Variants in LRP1B observed in about 807,000 individuals in gnomAD.
LRP1B encodes LDL receptor related protein 1B, also known as low-density lipoprotein receptor-related protein 1B.
In LRP1B, 217 loss-of-function variants were observed where a neutral mutation model predicts 556.6. That is an observed-to-expected ratio of 0.39 (90% CI 0.35 to 0.44). LRP1B has a LOEUF of 0.44. Among genes scored for constraint, LRP1B ranks in the 20% least tolerant of loss-of-function variants. The pLI is 1.00. For missense variants in LRP1B, 5,053 were observed against 5,620.8 expected (o/e 0.90, Z 3.23); for synonymous variants, 2,047 against 1,865.8 (o/e 1.10, Z -2.50).
chr2:140,468,285 T>A (rs1687628815), intron 60 of LRP1B, among the ~76,000 whole-genome samples: 1 of 152,188 alleles, frequency 6.6e-6, no homozygotes, highest in African/African-American at 2.4e-5. Context: ...TACTGCAATT[T>A]CCACCAGGAT....
chr2:141,971,695 C>G (rs1701737489), intron 1 of LRP1B, among the ~76,000 whole-genome samples: 1 of 151,362 alleles, frequency 6.6e-6, no homozygotes, highest in Admixed American at 6.6e-5. Flanking sequence ...CATCAAGTTA[C>G]CAGTAAAAAA....
At chr2:140,266,535 A>G (rs1309385488) in intron 86 of LRP1B, among the ~76,000 whole-genome samples, 1 of 151,906 alleles carries the variant, frequency 6.6e-6, no homozygotes, top group African/African-American at 2.4e-5. Context: ...TATAAAATGT[A>G]CCTAATAAAC....
chr2:141,377,239 C>CA lies in LRP1B; in HGVS notation c.343+103156dup, dbSNP rs1295373387. Among the ~76,000 whole-genome samples, 5 of 152,008 alleles carry CA rather than the reference C, an allele frequency of 3.3e-5. No homozygotes were observed. In the East Asian group the frequency reaches 9.6e-4, roughly 29 times the overall value. ...AATATATTTTCGAAATATATTCATC[C>CA]AAAAAATATCTAATTTTCTAAAGAA... On this transcript the variant is annotated intron_variant, in intron 3 of 90. Coordinates refer to ENST00000389484, the MANE Select transcript of LRP1B (RefSeq NM_018557.3).
chr2:140,439,149 A>C (rs1379084513), intron 66 of LRP1B, among the ~76,000 whole-genome samples: 1 of 152,192 alleles, frequency 6.6e-6, no homozygotes. Context: ...AGTTCTTGAA[A>C]TAGGAGAGAG....
intron 20 of LRP1B, among the ~76,000 whole-genome samples, chr2:140,936,367 G>A (rs72848548): frequency 0.066 from 6,514 of 99,214 alleles, 188 homozygotes; most frequent in African/African-American, 0.087. Context: ...AAAAAAGAAA[G>A]GAAAAAAGAA....
At chr2:142,006,154 A>G (rs1383866913) in intron 1 of LRP1B, among the ~76,000 whole-genome samples, 1 of 152,172 alleles carries the variant, frequency 6.6e-6, no homozygotes, top group African/African-American at 2.4e-5. Context: ...ATTGCTAGAA[A>G]AACGAATCAA....
chr2:141,297,131 T>C (rs369717925), intron 3 of LRP1B, among the ~76,000 whole-genome samples: 3 of 152,198 alleles, frequency 2.0e-5, no homozygotes, highest in African/African-American at 7.2e-5. Flanking sequence ...GTTGATTCCA[T>C]GTATTTGCTA....
intron 1 of LRP1B, among the ~76,000 whole-genome samples, chr2:142,019,504 A>T (rs1703262437): frequency 6.6e-6 from 1 of 151,566 alleles, no homozygotes; most frequent in African/African-American, 2.4e-5. Flanking sequence ...CACTATTGTC[A>T]CTCCTTGCTT....
rs899234502 is a variant in LRP1B at position 140,761,292 on chromosome 2, C to T, written c.5758+7921G>A. On this transcript the variant is annotated intron_variant, in intron 35 of 90. Coordinates refer to ENST00000389484, the MANE Select transcript of LRP1B (RefSeq NM_018557.3). ...ATTTCAAACCTGCCATCCGAGTTCACCCTTTAGAAAATAATGTGTGGGAAT... is the reference window on the plus strand; with the variant it reads ...ATTTCAAACCTGCCATCCGAGTTCATCCTTTAGAAAATAATGTGTGGGAAT... Among the ~76,000 whole-genome samples, 23 of 152,290 alleles carry T rather than the reference C, an allele frequency of 1.5e-4. 1 individual carries two copies. Among genetic ancestry groups the T allele is most frequent in the Admixed American group, 1.5e-3 (23 of 15,298 alleles).
intron 43 of LRP1B, among the ~76,000 whole-genome samples, chr2:140,555,995 C>A (rs926851766): frequency 1.3e-5 from 2 of 152,014 alleles, no homozygotes; most frequent in African/African-American, 4.8e-5. Context: ...ATTAAAACTG[C>A]AGCTGTTACA....
At chr2:140,651,569 T>C (rs1048532216) in intron 41 of LRP1B, among the ~76,000 whole-genome samples, 2 of 143,736 alleles carry the variant, frequency 1.4e-5, no homozygotes, top group South Asian at 2.3e-4. Flanking sequence ...GTTCATCTTA[T>C]GTAGGGAGAT....
intron 2 of LRP1B, among the ~76,000 whole-genome samples, chr2:141,669,205 C>T (rs1195724533): frequency 6.6e-6 from 1 of 151,972 alleles, no homozygotes; most frequent in East Asian, 1.9e-4. Context: ...AGGTTGTGCC[C>T]TAATTCAATA....
chr2:141,377,867 C>T (rs1387734258), intron 3 of LRP1B, among the ~76,000 whole-genome samples: 1 of 152,118 alleles, frequency 6.6e-6, no homozygotes, highest in Non-Finnish European at 1.5e-5. Context: ...TTGAGGAGAA[C>T]ATTGTCTATG....
intron 1 of LRP1B, among the ~76,000 whole-genome samples, chr2:141,994,081 T>C (rs2105121149): frequency 6.6e-6 from 1 of 152,306 alleles, no homozygotes; most frequent in South Asian, 2.1e-4. Flanking sequence ...GAAGGAAATC[T>C]AAATGGAACC....
At position 140,677,030 on chromosome 2, in the gene LRP1B, G is replaced by A. The variant is rs188867591; in HGVS notation, c.6799+23220C>T. On this transcript the variant is annotated intron_variant, in intron 41 of 90. Transcript: ENST00000389484. Reference sequence around the variant, plus strand: ...AAATAGAAAACAGTCATACAATACTGCCACTTCTTAGGGAAGAAAAGCAGT... The same window carrying A: ...AAATAGAAAACAGTCATACAATACTACCACTTCTTAGGGAAGAAAAGCAGT... Among the ~76,000 whole-genome samples the A allele has an allele frequency of 2.0e-5, 3 of 152,246 alleles. No homozygotes were observed. The East Asian group carries it at 5.8e-4, about 29-fold the overall frequency.
At chr2:140,442,228 C>G (rs1686459519) in intron 66 of LRP1B, among the ~76,000 whole-genome samples, 1 of 152,104 alleles carries the variant, frequency 6.6e-6, no homozygotes, top group Non-Finnish European at 1.5e-5. Flanking sequence ...TGTGCATACT[C>G]TAATATAAGA....
chr2:141,808,097 A>G (rs945628429), intron 2 of LRP1B, among the ~76,000 whole-genome samples: 4 of 152,084 alleles, frequency 2.6e-5, no homozygotes, highest in Non-Finnish European at 5.9e-5. Flanking sequence ...CAAAGGGAAC[A>G]TCCTTGTTCA....
intron 7 of LRP1B, among the ~76,000 whole-genome samples, chr2:141,186,868 A>G (rs1681281105): frequency 6.6e-6 from 1 of 152,048 alleles, no homozygotes; most frequent in African/African-American, 2.4e-5. Flanking sequence ...TTATTTGAAA[A>G]GGGCCTCTGG....
intron 62 of LRP1B, among the ~76,000 whole-genome samples, chr2:140,455,543 CAG>C (rs1687060713): frequency 6.6e-6 from 1 of 152,190 alleles, no homozygotes; most frequent in African/African-American, 2.4e-5. Context: ...GCTCTGGCTT[CAG>C]AGTCTATGCC....
Sources: allele counts gnomAD v4.1 joint callset (sites outside exome capture counted in the v4.1 genomes callset), GRCh38; gene constraint gnomAD v4.1.1; transcripts MANE v1.5; gene names NCBI Gene and HGNC (gene_info 2026-07-23, HGNC 2026-07-21).